TEKTL1: variants seen among roughly 807,000 people sequenced by gnomAD.
TEKTL1 encodes the protein tektin-like protein 1.
At chr19:15,016,349 C>G in the TEKTL1 span, among the ~76,000 whole-genome samples, 7 of 151,906 alleles carry the variant, frequency 4.6e-5, no homozygotes, top group African/African-American at 1.7e-4. Flanking sequence ...GCCAGCACAC[C>G]CGGCTAATTT....
chr19:15,022,744 C>A, the TEKTL1 span: 5 of 920,036 alleles, frequency 5.4e-6, no homozygotes, highest in Non-Finnish European at 6.3e-6. Context: ...TCCAGGCACA[C>A]CTGGCCCATT....
chr19:15,013,752 G>T, the TEKTL1 span: 1 of 1,613,198 alleles, frequency 6.2e-7, no homozygotes, highest in Non-Finnish European at 8.5e-7. Context: ...AGAGAGATAT[G>T]GAAAAATCAG....
At chr19:15,011,237 G>T in the TEKTL1 span, 1 of 1,486,958 alleles carries the variant, frequency 6.7e-7, no homozygotes, top group South Asian at 1.3e-5. Context: ...CCTCACCGCC[G>T]CCCGCCTCGG....
chr19:15,016,389 C>T, the TEKTL1 span, among the ~76,000 whole-genome samples: 1 of 147,500 alleles, frequency 6.8e-6, no homozygotes, highest in African/African-American at 2.5e-5. Flanking sequence ...GTGGTTTCAC[C>T]ATGTGCGCCA....
chr19:15,010,893 A>G, the TEKTL1 span: 2 of 1,566,422 alleles, frequency 1.3e-6, no homozygotes, highest in Non-Finnish European at 8.6e-7. Context: ...GCATGGCGCG[A>G]GGCAGCTCAG....
chr19:15,021,933 C>T, the TEKTL1 span: 1 of 1,601,658 alleles, frequency 6.2e-7, no homozygotes, highest in South Asian at 1.1e-5. Context: ...AACCCCCTCC[C>T]CCGTACCCCT....
At chr19:15,011,279 C>T in the TEKTL1 span, 1 of 1,522,712 alleles carries the variant, frequency 6.6e-7, no homozygotes. Flanking sequence ...CGGGCGGGTG[C>T]GACAGCTGCT....
the TEKTL1 span, chr19:15,013,663 G>C: frequency 6.2e-7 from 1 of 1,605,778 alleles, no homozygotes; most frequent in African/African-American, 1.3e-5. Context: ...TTCTCTCCTC[G>C]TTTTCTAGGT....
the TEKTL1 span, among the ~76,000 whole-genome samples, chr19:15,012,853 A>G: frequency 6.6e-6 from 1 of 152,006 alleles, no homozygotes; most frequent in Non-Finnish European, 1.5e-5. Flanking sequence ...TCAGTGCCCC[A>G]GTCCTAGTGA....
At chr19:15,023,109 C>G in the TEKTL1 span, 1 of 1,603,842 alleles carries the variant, frequency 6.2e-7, no homozygotes. Context: ...AAGAGCAGCG[C>G]GGACCCCTAG....
At chr19:15,014,344 A>G in the TEKTL1 span, among the ~76,000 whole-genome samples, 32 of 152,240 alleles carry the variant, frequency 2.1e-4, no homozygotes, top group Admixed American at 6.5e-4. Context: ...CATCCTTTTG[A>G]TAAATACTAA....
chr19:15,019,231 G>A, the TEKTL1 span, among the ~76,000 whole-genome samples: 2 of 152,134 alleles, frequency 1.3e-5, no homozygotes, highest in Admixed American at 6.5e-5. Context: ...TTACAGGCAT[G>A]AGCCACCACA....
chr19:15,012,086 T>A, the TEKTL1 span, among the ~76,000 whole-genome samples: 3 of 149,572 alleles, frequency 2.0e-5, no homozygotes, highest in Non-Finnish European at 3.0e-5. Context: ...TGAGACCCCG[T>A]CTCTACAAAA....
At chr19:15,022,030 C>A in the TEKTL1 span, 1 of 812,570 alleles carries the variant, frequency 1.2e-6, no homozygotes, top group South Asian at 1.7e-5. Flanking sequence ...GTCGGCCTGT[C>A]CTTCAACTCC....
chr19:15,011,156 C>T, the TEKTL1 span: 13 of 1,527,860 alleles, frequency 8.5e-6, no homozygotes, highest in Non-Finnish European at 1.1e-5. Flanking sequence ...CCGCCTGCCG[C>T]TACCCTTGCA....
At chr19:15,023,035 G>GTGC in the TEKTL1 span, 1 of 1,612,570 alleles carries the variant, frequency 6.2e-7, no homozygotes, top group East Asian at 2.2e-5. Context: ...AACCGCACGT[G>GTGC]TGCTACGAGC....
chr19:15,021,806 G>A, the TEKTL1 span: 1 of 1,613,980 alleles, frequency 6.2e-7, no homozygotes, highest in Non-Finnish European at 8.5e-7. Flanking sequence ...ACCCCACCAG[G>A]GTCCTCTGTC....
the TEKTL1 span, among the ~76,000 whole-genome samples, chr19:15,015,650 A>G: frequency 6.6e-6 from 1 of 152,146 alleles, no homozygotes; most frequent in Non-Finnish European, 1.5e-5. Flanking sequence ...ATGATGAAAA[A>G]TTCTGGAGGT....
At chr19:15,018,840 C>T in the TEKTL1 span, among the ~76,000 whole-genome samples, 1 of 150,850 alleles carries the variant, frequency 6.6e-6, no homozygotes, top group Non-Finnish European at 1.5e-5. Context: ...TACCTTAACA[C>T]ACCTTCCCTT....
Sources: gnomAD v4.1 joint callset for allele counts (sites outside exome capture counted in the v4.1 genomes callset) on GRCh38, gnomAD v4.1.1 for gene constraint, MANE v1.5 for transcripts, NCBI Gene and HGNC (gene_info 2026-07-23, HGNC 2026-07-21) for gene names.